RAD54B: variants seen among roughly 807,000 people sequenced by gnomAD.
RAD54B encodes the protein RAD54 homolog B, also known as DNA repair and recombination protein RAD54B.
A neutral mutation model predicts 95.8 loss-of-function variants in RAD54B; 78 were observed. The ratio of observed to expected loss-of-function variants is 0.81; its 90% CI spans 0.68 to 0.98. RAD54B has a LOEUF of 0.98. RAD54B is among the 50% of genes least tolerant of loss of function. RAD54B has a pLI of 0.00. For synonymous variants in RAD54B, 328 were observed against 354.9 expected, an observed-to-expected ratio of 0.92 and a Z score of 0.85; for missense variants, 957 against 1,056.6, an observed-to-expected ratio of 0.91 and a Z score of 1.31.
At position 94,391,713 on chromosome 8, in the gene RAD54B, T is replaced by C. The variant is rs1452779266; in HGVS notation, c.1705A>G (p.Arg569Gly). Residue 569 changes from arginine (R) to glycine (G), a missense_variant, in exon 10 of 15, where the codon AGG becomes GGG. Coordinates refer to ENST00000336148, the MANE Select transcript of RAD54B (RefSeq NM_012415.3). ...YRKLLNSQVV[R>G]FCLQGLLENS... is the part of the protein sequence containing the mutation. ...TCCAACAACCCTTGAAGGCAGAACCTGACAACCTGAGAATTTAACAGCTTT... is the reference window on the plus strand; with the variant it reads ...TCCAACAACCCTTGAAGGCAGAACCCGACAACCTGAGAATTTAACAGCTTT... The C allele has an allele frequency of 1.9e-6, 3 of 1,614,064 alleles. No homozygotes were observed. The highest frequency in any genetic ancestry group is 2.5e-6 in the Non-Finnish European group (3 of 1,180,014).
chr8:94,427,457 A>T (rs942263327), intron 3 of RAD54B, among the ~76,000 whole-genome samples: 40 of 152,054 alleles, frequency 2.6e-4, no homozygotes, highest in African/African-American at 9.2e-4. Flanking sequence ...CTCTTGTTTA[A>T]GTATGCAACC....
intron 8 of RAD54B, among the ~76,000 whole-genome samples, chr8:94,397,427 AAGG>A (rs1305337634): frequency 6.6e-6 from 1 of 152,134 alleles, no homozygotes; most frequent in African/African-American, 2.4e-5. Context: ...TAAGAGTGAT[AAGG>A]ACAGCAAAAC....
chr8:94,411,684 G>T (rs1488421959), intron 3 of RAD54B, among the ~76,000 whole-genome samples: 1 of 151,668 alleles, frequency 6.6e-6, no homozygotes, highest in African/African-American at 2.4e-5. Context: ...ATTTAATTAA[G>T]TAACATGACA....
At chr8:94,430,006 G>A in intron 3 of RAD54B, 2 of 985,242 alleles carry the variant, frequency 2.0e-6, no homozygotes, top group Non-Finnish European at 2.4e-6. Flanking sequence ...TGTACGTTAA[G>A]TCTGACTCAT....
At chr8:94,458,471 C>A (rs920693348) in intron 2 of RAD54B, 35 bp from the exon 3 acceptor site, 11 of 1,452,596 alleles carry the variant, frequency 7.6e-6, no homozygotes, top group African/African-American at 1.5e-5. Context: ...AATCAGAACT[C>A]AAACCTAATT....
chr8:94,458,004 G>C (rs752215887), intron 3 of RAD54B, among the ~76,000 whole-genome samples: 4 of 152,132 alleles, frequency 2.6e-5, no homozygotes, highest in East Asian at 1.9e-4. Context: ...ACACAATCTT[G>C]GTTCTTGAGG....
intron 3 of RAD54B, among the ~76,000 whole-genome samples, chr8:94,434,985 GTTA>G (rs757272845): frequency 1.2e-4 from 18 of 151,584 alleles, no homozygotes; most frequent in African/African-American, 2.4e-5. Context: ...TCTACTCACT[GTTA>G]TTTTTAAAAT....
intron 11 of RAD54B, among the ~76,000 whole-genome samples, chr8:94,381,929 C>T (rs988787813): frequency 1.3e-5 from 2 of 151,850 alleles, no homozygotes; most frequent in East Asian, 1.9e-4. Context: ...CTGGCTAACA[C>T]GGTGAAACCC....
chr8:94,430,181 T>C (rs939281088), intron 3 of RAD54B: 1 of 601,072 alleles, frequency 1.7e-6, no homozygotes, highest in Admixed American at 6.3e-5. Flanking sequence ...GGCATGGTGG[T>C]GCGCCTGTAG....
rs3136418 is a variant in RAD54B at position 94,433,392 on chromosome 8, C to T, written c.305-22077G>A. On this transcript the variant is annotated intron_variant, in intron 3 of 14. Coordinates refer to ENST00000336148, the MANE Select transcript of RAD54B (RefSeq NM_012415.3). Reference sequence around the variant, plus strand: ...CCACAACTGTATACTCAGTACCTAGCAGGTACTGTACTTAGAACCTAGTAG... The same window carrying T: ...CCACAACTGTATACTCAGTACCTAGTAGGTACTGTACTTAGAACCTAGTAG... Among the ~76,000 whole-genome samples the T allele has an allele frequency of 6.1e-3, 927 of 151,964 alleles. 13 individuals are homozygous for T. The highest frequency in any genetic ancestry group is 0.021 in the African/African-American group (868 of 41,484).
At chr8:94,378,740 A>T (rs893852884) in intron 12 of RAD54B, 106 bp from the exon 13 acceptor site, 4 of 737,862 alleles carry the variant, frequency 5.4e-6, no homozygotes, top group African/African-American at 5.3e-5. Flanking sequence ...TCTATATTTT[A>T]CATACAGCTT....
intron 10 of RAD54B, 53 bp downstream of exon 10, chr8:94,391,556 T>C (rs1007801283): frequency 1.6e-5 from 25 of 1,537,368 alleles, no homozygotes; most frequent in East Asian, 2.3e-5. Flanking sequence ...CTTAGATTCA[T>C]ATACTATAGA....
Position 94,393,787 on chromosome 8 carries a change from A to G in RAD54B, c.1474T>C (p.Tyr492His). 2 of 1,584,738 alleles carry G rather than the reference A, an allele frequency of 1.3e-6. No individual in the cohort carries two copies. The highest frequency in any genetic ancestry group is 2.2e-5 in the South Asian group (2 of 89,892). Residue 492 changes from tyrosine (Y) to histidine (H), a missense_variant, in exon 9 of 15, where the codon TAT (tyrosine) becomes CAT (histidine). Physicochemically the swap from Tyr to His is moderately conservative, Grantham distance 83 (BLOSUM62 2). Transcript: ENST00000336148. ...CTCGATAAAATGATGGGTTCTTCAT[A>G]TATTTTCCTATAAGATGACAAAGAG... ...LGSLSSYRKIYEEPIILSREP... is the reference protein window; with the variant it reads ...LGSLSSYRKIHEEPIILSREP...
intron 3 of RAD54B, among the ~76,000 whole-genome samples, chr8:94,420,867 C>G (rs1375776469): frequency 6.6e-6 from 1 of 151,720 alleles, no homozygotes; most frequent in Non-Finnish European, 1.5e-5. Flanking sequence ...CGTCTGTAAT[C>G]CCAGCTACTC....
At chr8:94,406,201 T>A (rs1030180399) in intron 5 of RAD54B, among the ~76,000 whole-genome samples, 2 of 152,136 alleles carry the variant, frequency 1.3e-5, no homozygotes, top group African/African-American at 4.8e-5. Context: ...GTTTTACACA[T>A]GAGTAGGCAA....
intron 3 of RAD54B, among the ~76,000 whole-genome samples, chr8:94,439,158 C>A (rs1812338528): frequency 6.6e-6 from 1 of 151,966 alleles, no homozygotes; most frequent in Non-Finnish European, 1.5e-5. Context: ...CTCTTCTGTA[C>A]CACTGAAGGG....
At chr8:94,471,118 T>C (rs531705485) in intron 1 of RAD54B, among the ~76,000 whole-genome samples, 7 of 152,290 alleles carry the variant, frequency 4.6e-5, no homozygotes, top group African/African-American at 1.4e-4. Flanking sequence ...CCAAGCACTT[T>C]TCACACTGCA....
At chr8:94,416,334 G>A (rs1811665946) in intron 3 of RAD54B, among the ~76,000 whole-genome samples, 2 of 151,878 alleles carry the variant, frequency 1.3e-5, no homozygotes, top group Non-Finnish European at 2.9e-5. Context: ...CATGGACACA[G>A]GAAGGGGAAC....
chr8:94,377,574 A>C (rs1325491977), intron 14 of RAD54B, among the ~76,000 whole-genome samples: 23 of 147,030 alleles, frequency 1.6e-4, no homozygotes, highest in Admixed American at 2.7e-4. Flanking sequence ...AAAAAAAAAA[A>C]AAAAAAACTC....
Sources: allele counts gnomAD v4.1 joint callset (sites outside exome capture counted in the v4.1 genomes callset), GRCh38; gene constraint gnomAD v4.1.1; transcripts MANE v1.5; gene names NCBI Gene and HGNC (gene_info 2026-07-23, HGNC 2026-07-21).